Variants in GFOD1 observed in about 807,000 individuals in gnomAD.
GFOD1 encodes the protein Gfo/Idh/MocA-like oxidoreductase domain containing 1, also known as glucose-fructose oxidoreductase domain-containing protein 1.
A neutral mutation model predicts 25.4 loss-of-function variants in GFOD1; 9 were observed. The observed-to-expected ratio is 0.35, with a 90% CI of 0.21 to 0.62. GFOD1 has a LOEUF of 0.62. GFOD1 is among the 20% of genes least tolerant of loss of function. The pLI is 0.72. For missense variants in GFOD1, 403 were observed against 556.9 expected (o/e 0.72, Z 2.78); for synonymous variants, 253 against 245.6 (o/e 1.03, Z -0.28).
intron 1 of GFOD1, among the ~76,000 whole-genome samples, chr6:13,420,171 T>C (rs1184695313): frequency 6.6e-6 from 1 of 152,188 alleles, no homozygotes; most frequent in East Asian, 1.9e-4. Flanking sequence ...AAAACACAGT[T>C]TCTCGTGGAA....
chr6:13,481,875 C>A (rs1002413297), intron 1 of GFOD1, among the ~76,000 whole-genome samples: 2 of 152,180 alleles, frequency 1.3e-5, no homozygotes, highest in African/African-American at 4.8e-5. Context: ...CACAAACAAG[C>A]TGGCATGTGT....
At chr6:13,426,492 C>T (rs1786355399) in intron 1 of GFOD1, among the ~76,000 whole-genome samples, 1 of 152,206 alleles carries the variant, frequency 6.6e-6, no homozygotes, top group Non-Finnish European at 1.5e-5. Context: ...GTAACTATGA[C>T]CTCTGCGTCA....
chr6:13,486,727 A>G lies in GFOD1; in HGVS notation c.164T>C (p.Ile55Thr), dbSNP rs1250381514. The change falls in exon 1 of 2, where the codon ATT becomes ACT. Residue 55 changes from isoleucine (I) to threonine (T), a missense_variant. Physicochemically the swap from Ile to Thr is moderately conservative, Grantham distance 89. Coordinates refer to ENST00000379287, the MANE Select transcript of GFOD1 (RefSeq NM_018988.4). ...GTCCTGATGCAGCAGCACCTCATCAATGCGGCTAGTGTAGAAGGGGACACT... is the reference window on the plus strand; with the variant it reads ...GTCCTGATGCAGCAGCACCTCATCAGTGCGGCTAGTGTAGAAGGGGACACT... ...EMSVPFYTSR[I>T]DEVLLHQDVD... 10 of 1,614,116 alleles carry G rather than the reference A, an allele frequency of 6.2e-6. No homozygotes were observed. The highest frequency in any genetic ancestry group is 8.5e-6 in the Non-Finnish European group (10 of 1,179,998).
chr6:13,415,236 C>T (rs772147532), intron 1 of GFOD1, among the ~76,000 whole-genome samples: 6 of 152,146 alleles, frequency 3.9e-5, no homozygotes, highest in Non-Finnish European at 1.5e-5. Flanking sequence ...AATCCCCTCC[C>T]GTCTTCCACT....
intron 1 of GFOD1, among the ~76,000 whole-genome samples, chr6:13,454,914 C>A (rs1758162105): frequency 6.6e-6 from 1 of 152,188 alleles, no homozygotes; most frequent in Admixed American, 6.5e-5. Context: ...AGGATATTAG[C>A]ATCACCTCCT....
At chr6:13,432,714 C>G (rs1049969325) in intron 1 of GFOD1, among the ~76,000 whole-genome samples, 7 of 152,182 alleles carry the variant, frequency 4.6e-5, no homozygotes, top group Non-Finnish European at 7.3e-5. Flanking sequence ...GAGGTTCCAG[C>G]CTGTGGCCTG....
rs1436274011 is a variant in GFOD1, at chr6:13,430,545, C to T, written c.253+56093G>A. Among the ~76,000 whole-genome samples, 5 of 152,150 alleles carry T rather than the reference C, an allele frequency of 3.3e-5. No individual in the cohort carries two copies. Among genetic ancestry groups the T allele is most frequent in the African/African-American group, 1.2e-4 (5 of 41,420 alleles). ...TATGGCATCAAGCATAAACAGAGTG[C>T]AGGGATTGGCCACAGTGTTATCCAT... On this transcript the variant is annotated intron_variant, in intron 1 of 1. Coordinates refer to ENST00000379287, the MANE Select transcript of GFOD1 (RefSeq NM_018988.4). This position sits in a 1 kb window ranked among gnomAD's most constrained non-coding sequence, Gnocchi z 4.1.
At chr6:13,413,016 C>A (rs1419431144) in intron 1 of GFOD1, among the ~76,000 whole-genome samples, 1 of 152,218 alleles carries the variant, frequency 6.6e-6, no homozygotes, top group Non-Finnish European at 1.5e-5. Context: ...CCAAAGAAAT[C>A]TGAACTGGGA....
At chr6:13,376,370 C>T (rs57704350) in intron 1 of GFOD1, among the ~76,000 whole-genome samples, 4,623 of 152,098 alleles carry the variant, frequency 0.03, 225 homozygotes, top group African/African-American at 0.1. Flanking sequence ...TACTGTACCT[C>T]GGTGGTCGCT....
At chr6:13,388,222 C>G (rs10948649) in intron 1 of GFOD1, among the ~76,000 whole-genome samples, 64,931 of 152,088 alleles carry the variant, frequency 0.43, 16,565 homozygotes, top group East Asian at 0.67. Context: ...CTATCTCCAT[C>G]AAGTTACCAG....
chr6:13,470,707 A>C, intron 1 of GFOD1: 1 of 1,438,046 alleles, frequency 7.0e-7, no homozygotes, highest in Non-Finnish European at 9.1e-7. Flanking sequence ...ATTCATATTC[A>C]TGTGGGAGAT....
chr6:13,460,201 T>A (rs932058175), intron 1 of GFOD1, among the ~76,000 whole-genome samples: 1 of 152,122 alleles, frequency 6.6e-6, no homozygotes, highest in Non-Finnish European at 1.5e-5. Context: ...AGGAACACTT[T>A]TACACTGTTG....
At chr6:13,462,335 T>C (rs536740966) in intron 1 of GFOD1, among the ~76,000 whole-genome samples, 10 of 152,316 alleles carry the variant, frequency 6.6e-5, no homozygotes, top group African/African-American at 2.4e-4. Context: ...TGTTCCCAAT[T>C]TGTGAATGTC....
chr6:13,480,830 C>T (rs1197182715), intron 1 of GFOD1, among the ~76,000 whole-genome samples: 1 of 152,202 alleles, frequency 6.6e-6, no homozygotes, highest in Non-Finnish European at 1.5e-5. Context: ...TACAACCACA[C>T]ATGAAAGTCT....
At chr6:13,472,329 C>T (rs1273312635) in intron 1 of GFOD1, among the ~76,000 whole-genome samples, 1 of 152,206 alleles carries the variant, frequency 6.6e-6, no homozygotes, top group Admixed American at 6.5e-5. Flanking sequence ...GGCTACCATA[C>T]TGCATAGCAC....
intron 1 of GFOD1, among the ~76,000 whole-genome samples, chr6:13,425,325 G>T (rs769400629): frequency 2.2e-4 from 34 of 152,062 alleles, no homozygotes; most frequent in Admixed American, 5.2e-4. Flanking sequence ...TTTTAAAGAT[G>T]AGAAAACTGA....
chr6:13,441,376 C>T (rs1358455440), intron 1 of GFOD1, among the ~76,000 whole-genome samples: 1 of 152,200 alleles, frequency 6.6e-6, no homozygotes, highest in African/African-American at 2.4e-5. Context: ...AGTGATAAAT[C>T]TCTTTCAAAC....
chr6:13,415,634 C>T (rs11754291), intron 1 of GFOD1, among the ~76,000 whole-genome samples: 27,319 of 152,164 alleles, frequency 0.18, 2,867 homozygotes, highest in East Asian at 0.33. Context: ...CATCCAGTGA[C>T]AGCAGACCTT....
chr6:13,426,006 G>C (rs1263715010), intron 1 of GFOD1, among the ~76,000 whole-genome samples: 1 of 152,244 alleles, frequency 6.6e-6, no homozygotes, highest in African/African-American at 2.4e-5. Flanking sequence ...GACAAGCTTG[G>C]TCTTCCGCCA....
Sources: allele counts gnomAD v4.1 joint callset (sites outside exome capture counted in the v4.1 genomes callset), GRCh38; gene constraint gnomAD v4.1.1; non-coding constraint Gnocchi (gnomAD v3.1); transcripts MANE v1.5; gene names NCBI Gene and HGNC (gene_info 2026-07-23, HGNC 2026-07-21).